GRIK4: variants seen among roughly 807,000 people sequenced by gnomAD.
The protein encoded by GRIK4 is glutamate receptor ionotropic, kainate 4.
In GRIK4, 40 loss-of-function variants were observed where a neutral mutation model predicts 104.9. That is an observed-to-expected ratio of 0.38 (90% CI 0.30 to 0.50). GRIK4 has a LOEUF of 0.50. Among genes scored for constraint, GRIK4 ranks in the 20% least tolerant of loss-of-function variants. The pLI, the probability that GRIK4 is intolerant of heterozygous loss-of-function variation, is 0.93. For synonymous variants in GRIK4, 485 were observed against 524.9 expected (o/e 0.92, Z 1.04); for missense variants, 1,047 against 1,308.1 (o/e 0.80, Z 3.08).
chr11:120,815,328 C>T (rs114544407), intron 4 of GRIK4, 50 bp from the exon 5 acceptor site: 25 of 1,118,016 alleles, frequency 2.2e-5, no homozygotes, highest in African/African-American at 4.6e-5. Context: ...GGCGCAAGCC[C>T]GACCTGATGA....
intron 3 of GRIK4, among the ~76,000 whole-genome samples, chr11:120,722,808 T>C (rs975779011): frequency 6.6e-6 from 1 of 152,186 alleles, no homozygotes; most frequent in African/African-American, 2.4e-5. Flanking sequence ...AGGGAATCTT[T>C]TGCAAGCCCA....
chr11:120,515,104 G>A, intron 1 of GRIK4: 1 of 453,222 alleles, frequency 2.2e-6, no homozygotes. Flanking sequence ...ACAACGTGGT[G>A]TCTGGCATGA....
intron 3 of GRIK4, among the ~76,000 whole-genome samples, chr11:120,668,261 TAAG>T (rs954876217): frequency 3.5e-5 from 2 of 57,408 alleles, no homozygotes; most frequent in East Asian, 3.9e-4. Flanking sequence ...ATGAAAGAAA[TAAG>T]AAAGAAAGAA....
At chr11:120,548,643 C>T (rs1487579895) in intron 1 of GRIK4, among the ~76,000 whole-genome samples, 2 of 152,072 alleles carry the variant, frequency 1.3e-5, no homozygotes, top group Non-Finnish European at 2.9e-5. Context: ...GGGAAGAGAC[C>T]TCTGGTGGCA....
intron 14 of GRIK4, among the ~76,000 whole-genome samples, chr11:120,945,234 C>G (rs1943830352): frequency 1.3e-5 from 2 of 152,192 alleles, no homozygotes; most frequent in Admixed American, 6.5e-5. Flanking sequence ...TCCTGGCTTT[C>G]AATACCCAGC....
Position 120,971,025 on chromosome 11 carries a change from T to C in GRIK4, c.2395+3702T>C, listed in dbSNP as rs1054788349. On this transcript the variant is annotated intron_variant, in intron 19 of 20. Transcript: ENST00000527524. ...CCACCTCCCAGGGCTGTTGCGAAGG[T>C]TGAGTAAGATAAATCAAGCATTCAG... Among the ~76,000 whole-genome samples the C allele has an allele frequency of 8.6e-5, 13 of 151,872 alleles. No homozygotes were observed. In the East Asian group the frequency reaches 1.9e-3, roughly 23 times the overall value.
At chr11:120,653,270 G>T (rs1438746220) in intron 1 of GRIK4, among the ~76,000 whole-genome samples, 3 of 152,192 alleles carry the variant, frequency 2.0e-5, no homozygotes, top group Admixed American at 2.0e-4. Flanking sequence ...GATGTTAGAG[G>T]ATCTTCTAGG....
At chr11:120,554,153 C>T (rs61201354) in intron 1 of GRIK4, among the ~76,000 whole-genome samples, 12,177 of 152,050 alleles carry the variant, frequency 0.08, 1,219 homozygotes, top group African/African-American at 0.23. Context: ...AAGTGAAAGG[C>T]AGATGAATAG....
chr11:120,841,340 T>C (rs1189326932), intron 8 of GRIK4, among the ~76,000 whole-genome samples: 1 of 152,214 alleles, frequency 6.6e-6, no homozygotes, highest in Non-Finnish European at 1.5e-5. Flanking sequence ...CTACTCTAGG[T>C]ATTTCATATA....
chr11:120,550,344 G>GGGGTGGGGTGAGTT (rs1948127228), intron 1 of GRIK4, among the ~76,000 whole-genome samples: 1 of 149,384 alleles, frequency 6.7e-6, no homozygotes, highest in African/African-American at 2.5e-5. Flanking sequence ...GGGGTTGGTG[G>GGGGTGGGGTGAGTT]GGGTGGGGTG....
intron 3 of GRIK4, among the ~76,000 whole-genome samples, chr11:120,756,401 C>A (rs1157001429): frequency 6.6e-6 from 1 of 152,086 alleles, no homozygotes; most frequent in Non-Finnish European, 1.5e-5. Flanking sequence ...TAAAATGTTC[C>A]CCAGTGTCCT....
chr11:120,957,946 C>T (rs1236581234), intron 16 of GRIK4, among the ~76,000 whole-genome samples: 1 of 152,122 alleles, frequency 6.6e-6, no homozygotes, highest in Non-Finnish European at 1.5e-5. Flanking sequence ...TAAACCTGGG[C>T]GAGATGCTTG....
chr11:120,817,191 C>T (rs767068650), intron 5 of GRIK4, among the ~76,000 whole-genome samples: 2 of 152,102 alleles, frequency 1.3e-5, no homozygotes, highest in Non-Finnish European at 1.5e-5. Flanking sequence ...ACATCCTCCC[C>T]CAAGCCCCAC....
At chr11:120,853,873 G>T (rs899325681) in intron 8 of GRIK4, among the ~76,000 whole-genome samples, 1 of 152,192 alleles carries the variant, frequency 6.6e-6, no homozygotes, top group Non-Finnish European at 1.5e-5. Flanking sequence ...CCACCTCCTA[G>T]TGGCCTAGCC....
intron 11 of GRIK4, among the ~76,000 whole-genome samples, chr11:120,881,608 A>G (rs1405100013): frequency 6.6e-6 from 1 of 152,196 alleles, no homozygotes; most frequent in African/African-American, 2.4e-5. Flanking sequence ...CTTGCGAACC[A>G]AGAACTCAGG....
intron 11 of GRIK4, among the ~76,000 whole-genome samples, chr11:120,881,134 C>T (rs1954958332): frequency 6.6e-6 from 1 of 152,220 alleles, no homozygotes; most frequent in Non-Finnish European, 1.5e-5. Context: ...AGATTGAACA[C>T]CACACTCCAG....
intron 12 of GRIK4, among the ~76,000 whole-genome samples, chr11:120,904,471 G>A (rs540811630): frequency 1.3e-5 from 2 of 152,280 alleles, no homozygotes; most frequent in South Asian, 4.2e-4. Context: ...CTCAGGAGAG[G>A]GTCTGTCCTC....
chr11:120,567,168 T>G (rs1016070332), intron 1 of GRIK4, among the ~76,000 whole-genome samples: 8 of 151,470 alleles, frequency 5.3e-5, no homozygotes, highest in Non-Finnish European at 2.9e-5. Flanking sequence ...TTGATGTTAT[T>G]TTTTTAGAGA....
chr11:120,783,555 C>T (rs1328780613), intron 3 of GRIK4, among the ~76,000 whole-genome samples: 4 of 152,118 alleles, frequency 2.6e-5, no homozygotes, highest in African/African-American at 4.8e-5. Flanking sequence ...TTTATGGTCT[C>T]GGTTCTTAAT....
Sources: gnomAD v4.1 joint callset for allele counts (sites outside exome capture counted in the v4.1 genomes callset) on GRCh38, gnomAD v4.1.1 for gene constraint, MANE v1.5 for transcripts, NCBI Gene and HGNC (gene_info 2026-07-23, HGNC 2026-07-21) for gene names.